The following GDPD5 variants were observed in gnomAD, a reference collection of about 807,000 sequenced individuals.
GDPD5 encodes the protein glycerophosphodiester phosphodiesterase 2.
In GDPD5, 48 loss-of-function variants were observed where a neutral mutation model predicts 75.1. That is an observed-to-expected ratio of 0.64 (90% CI 0.51 to 0.81). The LOEUF is 0.81. GDPD5 is among the 40% of genes least tolerant of loss of function. The pLI, the probability that GDPD5 is intolerant of heterozygous loss-of-function variation, is 0.00. For missense variants in GDPD5, 706 were observed against 822.6 expected (o/e 0.86, Z 1.73); for synonymous variants, 336 against 339.0 (o/e 0.99, Z 0.10).
chr11:75,449,025 T>C lies in GDPD5; in HGVS notation c.666A>G (p.Lys222=), dbSNP rs1318802232. ...TISSPCIMEK[K]DLGPKPALIG... ...TGAGAGCAGGCTTGGGGCCGAGGTC[T>C]TTCTTCTCCATGATGCAGGGAGAGG... The change falls in exon 9 of 17, where the codon AAA becomes AAG. Residue 222 remains lysine (K), a synonymous_variant. Transcript: ENST00000336898. The C allele has an allele frequency of 6.2e-7, 1 of 1,605,896 alleles. No homozygotes were observed. The highest frequency in any genetic ancestry group is 1.3e-5 in the African/African-American group (1 of 74,414).
In GDPD5 at chr11:75,449,047, G is replaced by T; in HGVS notation, c.644C>A (p.Ser215Tyr). Residue 215 changes from serine to tyrosine, a missense_variant, in exon 9 of 17, where the codon TCT becomes TAT. Transcript: ENST00000336898. ...GTCTTTCTTCTCCATGATGCAGGGA[G>T]AGGAGATGGTGAGAGGGGCCAGGTA... ...ALYLAPLTIS[S>Y]PCIMEKKDLG... 6 of 1,609,002 alleles carry T rather than the reference G, an allele frequency of 3.7e-6. No homozygotes were observed. Among genetic ancestry groups the T allele is most frequent in the Non-Finnish European group, 5.1e-6 (6 of 1,178,542 alleles).
intron 3 of GDPD5, among the ~76,000 whole-genome samples, chr11:75,466,206 G>C (rs1355062734): frequency 6.6e-6 from 1 of 152,208 alleles, no homozygotes; most frequent in Non-Finnish European, 1.5e-5. Flanking sequence ...AGCTGGGGTT[G>C]GGGCAACCTA....
chr11:75,457,553 A>G (rs1949310225), intron 5 of GDPD5, 140 bp downstream of exon 5: 1 of 591,016 alleles, frequency 1.7e-6, no homozygotes, highest in Non-Finnish European at 3.0e-6. Context: ...TCCTTAGGAT[A>G]CATTCCTACA....
At chr11:75,518,673 G>C (rs1202694890) in intron 1 of GDPD5, among the ~76,000 whole-genome samples, 10 of 152,174 alleles carry the variant, frequency 6.6e-5, no homozygotes, top group African/African-American at 1.2e-4. Context: ...TTTACAAAAT[G>C]GGCAGAAGCC....
chr11:75,511,445 C>T (rs562687866), intron 1 of GDPD5, among the ~76,000 whole-genome samples: 3 of 152,290 alleles, frequency 2.0e-5, no homozygotes, highest in Admixed American at 6.5e-5. Context: ...GTCCCTAATT[C>T]GTATTAATAC....
chr11:75,492,006 C>G (rs1287267983), intron 1 of GDPD5, among the ~76,000 whole-genome samples: 1 of 152,202 alleles, frequency 6.6e-6, no homozygotes, highest in Non-Finnish European at 1.5e-5. Context: ...AAGTCCATGA[C>G]TCCATCCCAG....
chr11:75,517,002 G>A (rs1224939583), intron 1 of GDPD5, among the ~76,000 whole-genome samples: 1 of 152,236 alleles, frequency 6.6e-6, no homozygotes. Context: ...TAGCCAACCC[G>A]GAGATCCACT....
chr11:75,438,473 A>G (rs1416367503), intron 15 of GDPD5: 2 of 152,296 alleles, frequency 1.3e-5, no homozygotes, highest in African/African-American at 4.8e-5. Flanking sequence ...TCCATGTGAG[A>G]AGGCCCAACT....
At chr11:75,485,282 A>G (rs548515416) in intron 2 of GDPD5, 1 of 152,306 alleles carries the variant, frequency 6.6e-6, no homozygotes, top group Middle Eastern at 3.4e-3. Flanking sequence ...AACCCCATAG[A>G]GTGTGCAACA....
intron 1 of GDPD5, among the ~76,000 whole-genome samples, chr11:75,502,541 A>G (rs1307010280): frequency 1.3e-5 from 2 of 152,216 alleles, no homozygotes; most frequent in Non-Finnish European, 2.9e-5. Context: ...TGGTATTTCC[A>G]AAGACATCTG....
chr11:75,496,844 G>T (rs368595938), intron 1 of GDPD5, among the ~76,000 whole-genome samples: 2 of 141,418 alleles, frequency 1.4e-5, no homozygotes, highest in Admixed American at 1.5e-4. Context: ...GCAGTGGCGC[G>T]ATCACAGCTC....
rs950854256 is a variant in GDPD5, at chr11:75,468,774, G to T, written c.118-5885C>A. On this transcript the variant is annotated intron_variant, in intron 3 of 16. Coordinates refer to ENST00000336898, the MANE Select transcript of GDPD5 (RefSeq NM_030792.8). ...CACACAGAACAAGGCCAGCCAAAGG[G>T]TAAGAAATATTGGGGTCAAATGACC... 5.9e-5 allele frequency among the ~76,000 whole-genome samples: 9 copies of T among 152,160 alleles called. No individual in the cohort carries two copies. The South Asian group carries it at 1.7e-3, about 28-fold the overall frequency.
Position 75,442,522 on chromosome 11 carries a change from G to T in GDPD5, c.1008C>A (p.Asn336Lys), listed in dbSNP as rs1166064077. 1 of 1,614,192 alleles carries T rather than the reference G, an allele frequency of 6.2e-7. No homozygotes were observed. Among genetic ancestry groups the T allele is most frequent in the Non-Finnish European group, 8.5e-7 (1 of 1,180,032 alleles). Residue 336 changes from asparagine to lysine, a missense_variant, in exon 12 of 17, where the codon AAC becomes AAA. Physicochemically the swap from Asn to Lys is moderately conservative, Grantham distance 94. Coordinates refer to ENST00000336898, the MANE Select transcript of GDPD5 (RefSeq NM_030792.8). ...GCTCTGCCAGGCTGCAGATGGACTG[G>T]TTCTGGGCCTCTCTGTGGTCGGAGG... is the stretch of plus-strand genomic sequence containing the variant. ...LSPSDHREAQ[N>K]QSICSLAELL...
chr11:75,509,282 A>T (rs1306096764), intron 1 of GDPD5, among the ~76,000 whole-genome samples: 1 of 152,230 alleles, frequency 6.6e-6, no homozygotes, highest in African/African-American at 2.4e-5. Context: ...TGGGCCCAGC[A>T]GATAGGAAGG....
At chr11:75,497,998 G>A (rs1187601148) in intron 1 of GDPD5, among the ~76,000 whole-genome samples, 1 of 152,144 alleles carries the variant, frequency 6.6e-6, no homozygotes, top group Non-Finnish European at 1.5e-5. Context: ...AGGGCACTGA[G>A]GCTCAGAGAC....
At chr11:75,442,677 G>T in intron 11 of GDPD5, 96 bp from the exon 12 acceptor site, 1 of 1,077,102 alleles carries the variant, frequency 9.3e-7, no homozygotes, top group Non-Finnish European at 1.4e-6. Flanking sequence ...CCCCTGGGCT[G>T]CCAGAGTCTG....
chr11:75,506,588 G>C (rs115302208), intron 1 of GDPD5: 1 of 152,468 alleles, frequency 6.6e-6, no homozygotes, highest in Admixed American at 6.5e-5. Flanking sequence ...CCATCACAGC[G>C]GCCAGTCAAG....
Position 75,449,573 on chromosome 11 carries a change from G to A in GDPD5, c.512C>T (p.Ala171Val). 2 of 1,588,976 alleles carry A rather than the reference G, an allele frequency of 1.3e-6. No individual in the cohort carries two copies. Among genetic ancestry groups the A allele is most frequent in the Non-Finnish European group, 1.7e-6 (2 of 1,168,100 alleles). ...APFLHVGAVA[A>V]VTMLSWIVAG... ...CACGATCCAGGAGAGCATGGTGACT[G>A]CTGCCACAGCCCCCACATGCAGGAA... Residue 171 changes from alanine (A) to valine (V), a missense_variant, in exon 8 of 17, where the codon GCA becomes GTA. Ala to Val is a moderately conservative substitution (Grantham distance 64). Transcript: ENST00000336898.
At chr11:75,473,103 G>C (rs1949704358) in intron 3 of GDPD5, among the ~76,000 whole-genome samples, 1 of 151,864 alleles carries the variant, frequency 6.6e-6, no homozygotes. Flanking sequence ...AGGGTGGCTG[G>C]CGTGGACGAG....
Sources: allele counts gnomAD v4.1 joint callset (sites outside exome capture counted in the v4.1 genomes callset), GRCh38; gene constraint gnomAD v4.1.1; transcripts MANE v1.5; gene names NCBI Gene and HGNC (gene_info 2026-07-23, HGNC 2026-07-21).